DAB1: variants seen among roughly 807,000 people sequenced by gnomAD.
The protein encoded by DAB1 is disabled homolog 1.
DAB1 carries 15 observed loss-of-function variants against 64.6 expected under a neutral mutation model. The observed-to-expected ratio is 0.23, with a 90% CI of 0.16 to 0.36. The LOEUF is 0.36. Among genes scored for constraint, DAB1 ranks in the 10% least tolerant of loss-of-function variants. The pLI is 1.00. For synonymous variants in DAB1, 235 were observed against 251.9 expected (o/e 0.93, Z 0.64); for missense variants, 596 against 706.7 (o/e 0.84, Z 1.78).
At chr1:57,933,593 A>G (rs1457996059) in intron 5 of DAB1, among the ~76,000 whole-genome samples, 2 of 152,204 alleles carry the variant, frequency 1.3e-5, no homozygotes, top group East Asian at 3.9e-4. Flanking sequence ...ATGAATATTC[A>G]TTTATATAAA....
At chr1:57,898,308 C>A (rs72918593) in intron 5 of DAB1, among the ~76,000 whole-genome samples, 106 of 152,254 alleles carry the variant, frequency 7.0e-4, no homozygotes, top group African/African-American at 2.4e-3. Context: ...CTACTACTAC[C>A]AATGGCTGGG....
At chr1:57,180,692 C>T (rs1281692101) in intron 2 of DAB1, among the ~76,000 whole-genome samples, 1 of 152,136 alleles carries the variant, frequency 6.6e-6, no homozygotes, top group African/African-American at 2.4e-5. Flanking sequence ...CAAACACACA[C>T]ACACACTTCT....
chr1:57,613,271 C>T (rs1645750258), intron 7 of DAB1, among the ~76,000 whole-genome samples: 1 of 152,174 alleles, frequency 6.6e-6, no homozygotes, highest in Non-Finnish European at 1.5e-5. Flanking sequence ...TTTTAAAATT[C>T]TCATTCTGTT....
chr1:57,647,379 G>C (rs1646205393), intron 7 of DAB1, among the ~76,000 whole-genome samples: 1 of 152,176 alleles, frequency 6.6e-6, no homozygotes, highest in Non-Finnish European at 1.5e-5. Flanking sequence ...TGGAGAGGTG[G>C]TAACTCCTTG....
At chr1:58,256,675 C>A (rs1660936693) in intron 4 of DAB1, among the ~76,000 whole-genome samples, 1 of 152,188 alleles carries the variant, frequency 6.6e-6, no homozygotes. Context: ...CTGTCAATCC[C>A]CACTAGTCTG....
chr1:57,219,448 G>C (rs943185108), intron 2 of DAB1, among the ~76,000 whole-genome samples: 6 of 152,112 alleles, frequency 3.9e-5, no homozygotes, highest in African/African-American at 1.4e-4. Context: ...TATTTATTTA[G>C]AATCCCTCTC....
At chr1:57,199,550 A>G (rs898959472) in intron 2 of DAB1, among the ~76,000 whole-genome samples, 5 of 152,248 alleles carry the variant, frequency 3.3e-5, no homozygotes, top group African/African-American at 1.2e-4. Flanking sequence ...ACCGCGGGCT[A>G]TGCACGGGTC....
intron 2 of DAB1, among the ~76,000 whole-genome samples, chr1:57,225,565 A>G (rs943372391): frequency 6.6e-6 from 1 of 152,308 alleles, no homozygotes; most frequent in Admixed American, 6.5e-5. Context: ...GATAGCAGCC[A>G]CAGTCCCTGC....
intron 7 of DAB1, among the ~76,000 whole-genome samples, chr1:57,483,784 C>G (rs978203749): frequency 6.6e-6 from 1 of 151,950 alleles, no homozygotes; most frequent in East Asian, 1.9e-4. Context: ...ATGAAGACAC[C>G]GATGGTGATT....
chr1:57,571,127 T>C (rs374167701), intron 7 of DAB1, among the ~76,000 whole-genome samples: 2 of 152,196 alleles, frequency 1.3e-5, no homozygotes, highest in African/African-American at 4.8e-5. Context: ...GTTTTCTAGG[T>C]ATATCATCAT....
intron 5 of DAB1, among the ~76,000 whole-genome samples, chr1:57,940,274 T>C (rs949874492): frequency 6.6e-6 from 1 of 152,190 alleles, no homozygotes; most frequent in African/African-American, 2.4e-5. Flanking sequence ...AAATAATGTG[T>C]TGGAGTCACT....
intron 7 of DAB1, among the ~76,000 whole-genome samples, chr1:57,527,880 C>T (rs531417583): frequency 6.6e-5 from 10 of 152,192 alleles, no homozygotes; most frequent in African/African-American, 2.2e-4. Flanking sequence ...ACAAACAGTG[C>T]CATTTCTATC....
intron 4 of DAB1, among the ~76,000 whole-genome samples, chr1:58,162,991 C>T (rs569937022): frequency 6.6e-6 from 1 of 152,122 alleles, no homozygotes; most frequent in Non-Finnish European, 1.5e-5. Context: ...GGACAGGGTG[C>T]TGCTAAACAT....
intron 4 of DAB1, among the ~76,000 whole-genome samples, chr1:58,337,964 G>T (rs897888598): frequency 6.7e-6 from 1 of 148,174 alleles, no homozygotes; most frequent in African/African-American, 2.5e-5. Flanking sequence ...GTTGGTAAGA[G>T]GATAAACTTA....
At chr1:57,866,640 A>G (rs2101950122) in intron 1 of DAB1, among the ~76,000 whole-genome samples, 1 of 152,242 alleles carries the variant, frequency 6.6e-6, no homozygotes, top group South Asian at 2.1e-4. Flanking sequence ...CCTGACTGTA[A>G]ATGGGGATGA....
Position 57,080,756 on chromosome 1 carries a change from G to A in DAB1, c.307-8342C>T, listed in dbSNP as rs55780055. Among the ~76,000 whole-genome samples, 251 of 143,370 alleles carry A rather than the reference G, an allele frequency of 1.8e-3. 2 individuals are homozygous for A. The highest frequency in any genetic ancestry group is 9.4e-3 in the East Asian group (47 of 5,000). 94.1% of individuals were successfully genotyped at this position (143,370 alleles called of 152,430 possible). ...TTACAACACACACACACACACACAC[G>A]CACACACACACACACACACCTTAAA... On this transcript the variant is annotated intron_variant, in intron 4 of 14. Transcript: ENST00000371236.
At chr1:57,825,104 C>T (rs946347636), downstream of DAB1, among the ~76,000 whole-genome samples, 1 of 152,172 alleles carries the variant, frequency 6.6e-6, no homozygotes, top group Non-Finnish European at 1.5e-5. Flanking sequence ...AAAAGGGTGA[C>T]CCAGTTTCAT....
At chr1:58,260,877 A>G (rs1381625589) in intron 4 of DAB1, among the ~76,000 whole-genome samples, 1 of 152,046 alleles carries the variant, frequency 6.6e-6, no homozygotes, top group Admixed American at 6.6e-5. Context: ...CAGTATTGTC[A>G]TTATCCCTTT....
chr1:57,055,145 T>G (rs1024101662), intron 9 of DAB1, among the ~76,000 whole-genome samples: 1 of 152,246 alleles, frequency 6.6e-6, no homozygotes, highest in African/African-American at 2.4e-5. Context: ...AAAATGTACC[T>G]ATGTGTTTAC....
Sources: gnomAD v4.1 joint callset for allele counts (sites outside exome capture counted in the v4.1 genomes callset) on GRCh38, gnomAD v4.1.1 for gene constraint, MANE v1.5 for transcripts, NCBI Gene and HGNC (gene_info 2026-07-23, HGNC 2026-07-21) for gene names.